GCNT2: variants seen among roughly 807,000 people sequenced by gnomAD.
GCNT2 encodes the protein glucosaminyl (N-acetyl) transferase 2 (I blood group), also known as N-acetyllactosaminide beta-1,6-N-acetylglucosaminyl-transferase.
In GCNT2, 34 loss-of-function variants were observed where a neutral mutation model predicts 34.2. The ratio of observed to expected loss-of-function variants is 1.00; its 90% CI spans 0.76 to 1.32. The LOEUF is 1.32. Among genes scored for constraint, GCNT2 ranks in the 40% most tolerant of loss-of-function variants. The pLI, the probability that GCNT2 is intolerant of heterozygous loss-of-function variation, is 0.00. For synonymous variants in GCNT2, 212 were observed against 188.0 expected (o/e 1.13, Z -1.04); for missense variants, 584 against 489.4 (o/e 1.19, Z -1.82).
At chr6:10,600,123 T>A (rs1273891815) in intron 3 of GCNT2, among the ~76,000 whole-genome samples, 1 of 152,192 alleles carries the variant, frequency 6.6e-6, no homozygotes, top group African/African-American at 2.4e-5. Flanking sequence ...AATCTTTCTA[T>A]ATTTAGTGCT....
At chr6:10,591,084 C>G (rs771091619) in intron 3 of GCNT2, among the ~76,000 whole-genome samples, 2 of 152,220 alleles carry the variant, frequency 1.3e-5, no homozygotes, top group African/African-American at 4.8e-5. Context: ...CCACTGCTGC[C>G]AGCATTGAAT....
intron 3 of GCNT2, among the ~76,000 whole-genome samples, chr6:10,588,589 A>C (rs1331557667): frequency 6.6e-6 from 1 of 152,168 alleles, no homozygotes; most frequent in Non-Finnish European, 1.5e-5. Context: ...CTGTATATCT[A>C]AAGCAAATTT....
intron 3 of GCNT2, among the ~76,000 whole-genome samples, chr6:10,537,301 T>G (rs1340709725): frequency 1.3e-5 from 2 of 152,168 alleles, no homozygotes; most frequent in African/African-American, 2.4e-5. Context: ...TATCCTTACT[T>G]TCTTCTTCCT....
chr6:10,575,045 C>T, intron 3 of GCNT2: 1 of 618,882 alleles, frequency 1.6e-6, no homozygotes, highest in Non-Finnish European at 3.0e-6. Flanking sequence ...CAGACTCTTC[C>T]CATTTAGCCA....
chr6:10,616,786 CAT>C (rs1765786336), intron 3 of GCNT2, among the ~76,000 whole-genome samples: 2 of 152,074 alleles, frequency 1.3e-5, no homozygotes, highest in African/African-American at 2.4e-5. Flanking sequence ...CTTAGCTAGA[CAT>C]AAAGTTTCTC....
At chr6:10,623,787 C>T (rs1232889717) in intron 4 of GCNT2, among the ~76,000 whole-genome samples, 1 of 152,136 alleles carries the variant, frequency 6.6e-6, no homozygotes, top group Non-Finnish European at 1.5e-5. Context: ...GTTGTGTGTC[C>T]ACACCTAAAC....
intron 3 of GCNT2, chr6:10,573,311 A>G (rs937354779): frequency 2.0e-6 from 2 of 981,924 alleles, no homozygotes; most frequent in Non-Finnish European, 1.2e-6. Flanking sequence ...GAAACTTAAC[A>G]GAATATAGTC....
At chr6:10,586,625 G>GA in intron 3 of GCNT2, 1 of 1,614,156 alleles carries the variant, frequency 6.2e-7, no homozygotes, top group Admixed American at 1.7e-5. Context: ...GATTTAAAGG[G>GA]AAAAATATCA....
At chr6:10,601,943 GAAA>G (rs57927445) in intron 3 of GCNT2, among the ~76,000 whole-genome samples, 1 of 113,052 alleles carries the variant, frequency 8.8e-6, no homozygotes, top group Non-Finnish European at 1.8e-5. Context: ...TCCATCTCAA[GAAA>G]AAAAAAAAAA....
rs1193601035 is a variant in GCNT2 at position 10,626,634 on chromosome 6, A to G, written c.*27A>G. On this transcript the variant is annotated 3_prime_UTR_variant, in exon 5 of 5. Coordinates refer to ENST00000495262, the MANE Select transcript of GCNT2 (RefSeq NM_145649.5). Reference sequence around the variant, plus strand: ...CTATTCATGAGCTACTCATGACTGAAGGGAAACTGCAGCTGGGAAGAGGAG... The same window carrying G: ...CTATTCATGAGCTACTCATGACTGAGGGGAAACTGCAGCTGGGAAGAGGAG... 2 of 1,554,226 alleles carry G rather than the reference A, an allele frequency of 1.3e-6. No individual in the cohort carries two copies. Among genetic ancestry groups the G allele is most frequent in the African/African-American group, 2.7e-5 (2 of 73,888 alleles).
At chr6:10,595,317 C>A (rs369843407) in intron 3 of GCNT2, among the ~76,000 whole-genome samples, 1 of 151,802 alleles carries the variant, frequency 6.6e-6, no homozygotes, top group East Asian at 1.9e-4. Flanking sequence ...CTTGCTCTGT[C>A]CCCAGGCTGG....
intron 2 of GCNT2, among the ~76,000 whole-genome samples, chr6:10,527,967 C>G (rs1405946541): frequency 2.0e-5 from 3 of 152,186 alleles, no homozygotes; most frequent in Admixed American, 6.5e-5. Context: ...TCTCCTTCCT[C>G]TAAGCATCAG....
At chr6:10,548,814 A>G (rs981809435) in intron 3 of GCNT2, among the ~76,000 whole-genome samples, 8 of 151,808 alleles carry the variant, frequency 5.3e-5, no homozygotes, top group African/African-American at 1.9e-4. Context: ...ACTGGAGTGC[A>G]ATGGCGTGAT....
chr6:10,613,378 C>CT (rs138349328), intron 3 of GCNT2, among the ~76,000 whole-genome samples: 19,376 of 149,098 alleles, frequency 0.13, 1,964 homozygotes, highest in African/African-American at 0.28. Context: ...ATAATATTGA[C>CT]TTTTTTTTTT....
intron 3 of GCNT2, among the ~76,000 whole-genome samples, chr6:10,534,535 A>G (rs1761671278): frequency 6.6e-6 from 1 of 152,066 alleles, no homozygotes; most frequent in South Asian, 2.1e-4. Context: ...AACAATGAGG[A>G]TCCCCGTTCT....
intron 3 of GCNT2, among the ~76,000 whole-genome samples, chr6:10,567,480 G>T (rs559476683): frequency 6.6e-6 from 1 of 152,110 alleles, no homozygotes; most frequent in African/African-American, 2.4e-5. Context: ...AAAGATGAAA[G>T]GGAAGACTGA....
At chr6:10,574,712 A>G (rs769421669) in intron 3 of GCNT2, 25 of 432,070 alleles carry the variant, frequency 5.8e-5, no homozygotes, top group Non-Finnish European at 9.6e-5. Context: ...TTTGTTTTAC[A>G]GTCTAGAGGT....
At chr6:10,621,965 G>C (rs1239702779) in intron 4 of GCNT2, among the ~76,000 whole-genome samples, 5 of 152,124 alleles carry the variant, frequency 3.3e-5, no homozygotes, top group Non-Finnish European at 7.3e-5. Context: ...GCCATCAGGA[G>C]GAGAAGTGAT....
intron 3 of GCNT2, among the ~76,000 whole-genome samples, chr6:10,577,629 C>T (rs1763879179): frequency 1.3e-5 from 2 of 152,142 alleles, no homozygotes; most frequent in African/African-American, 2.4e-5. Flanking sequence ...AAACCTTCGC[C>T]TCCTGGGTTC....
Sources: allele counts gnomAD v4.1 joint callset (sites outside exome capture counted in the v4.1 genomes callset), GRCh38; gene constraint gnomAD v4.1.1; transcripts MANE v1.5; gene names NCBI Gene and HGNC (gene_info 2026-07-23, HGNC 2026-07-21).